DCAF6: variants seen among roughly 807,000 people sequenced by gnomAD.
DCAF6 encodes DDB1 and CUL4 associated factor 6, also known as DDB1- and CUL4-associated factor 6.
DCAF6 carries 54 observed loss-of-function variants against 125.1 expected under a neutral mutation model. The observed-to-expected ratio is 0.43, with a 90% CI of 0.35 to 0.54. The LOEUF (loss-of-function observed/expected upper bound fraction) is 0.54. Ranked by LOEUF, DCAF6 falls within the 20% of genes least tolerant of loss-of-function variation. The pLI, the probability that DCAF6 is intolerant of heterozygous loss-of-function variation, is 0.01. For synonymous variants in DCAF6, 371 were observed against 390.4 expected, an observed-to-expected ratio of 0.95 and a Z score of 0.58; for missense variants, 934 against 1,161.7, an observed-to-expected ratio of 0.80 and a Z score of 2.85.
the DCAF6 span, among the ~76,000 whole-genome samples, chr1:167,884,053 A>C: frequency 2.0e-5 from 3 of 152,220 alleles, no homozygotes; most frequent in Non-Finnish European, 4.4e-5. Context: ...TAATCACATC[A>C]GGGTAAATGG....
intron 7 of DCAF6, among the ~76,000 whole-genome samples, chr1:168,001,493 G>A (rs773205997): frequency 1.3e-5 from 2 of 152,098 alleles, no homozygotes; most frequent in Non-Finnish European, 2.9e-5. Context: ...TTAGTGGAAA[G>A]ATAGGAAATC....
rs922612045 is a variant in DCAF6 at position 168,044,442 on chromosome 1, G to T, written c.1844-143G>T. On this transcript the variant is annotated intron_variant, in intron 14 of 21. Coordinates refer to ENST00000367840, the MANE Select transcript of DCAF6 (RefSeq NM_001198956.2). ...ATATAGAGATAATTTACAGTATAAG[G>T]AAGGGTATGCATAGGTTATATGCAA... is the stretch of plus-strand genomic sequence containing the variant. 9.4e-6 allele frequency: 6 copies of T among 637,600 alleles called. No individual in the cohort carries two copies. The African/African-American group carries it at 1.1e-4, about 12-fold the overall frequency. 39.5% of individuals were successfully genotyped at this position (637,600 alleles called of 1,614,324 possible).
chr1:167,879,636 G>A, the DCAF6 span, among the ~76,000 whole-genome samples: 4 of 152,170 alleles, frequency 2.6e-5, no homozygotes, highest in Non-Finnish European at 5.9e-5. Context: ...CATATATTCA[G>A]TATTTTAGAT....
At chr1:168,040,993 A>T (rs1415458586) in intron 13 of DCAF6, among the ~76,000 whole-genome samples, 1 of 151,628 alleles carries the variant, frequency 6.6e-6, no homozygotes, top group East Asian at 1.9e-4. Context: ...TTTCTTTGGC[A>T]ACAGATGAGG....
chr1:167,970,137 C>T (rs1385933103), intron 3 of DCAF6, among the ~76,000 whole-genome samples: 5 of 152,068 alleles, frequency 3.3e-5, no homozygotes, highest in African/African-American at 7.2e-5. Context: ...AGCTTTTTGA[C>T]GATCACTATT....
the DCAF6 span, among the ~76,000 whole-genome samples, chr1:167,868,038 A>G: frequency 4.6e-5 from 7 of 152,220 alleles, no homozygotes; most frequent in African/African-American, 1.7e-4. Context: ...GTCGATAAAA[A>G]AGGACTAGAT....
chr1:168,007,962 C>CTTTTT lies in DCAF6; in HGVS notation c.1378+3192_1378+3196dup, dbSNP rs35185748. Reference sequence around the variant, plus strand: ...GTATGTTTTTGTTATTGTTGTACATCTTTTTTTTTTTTTTTTTTTTTTTTT... The same window carrying CTTTTT: ...GTATGTTTTTGTTATTGTTGTACATCTTTTTTTTTTTTTTTTTTTTTTTTTTTTTT... On this transcript the variant is annotated intron_variant, in intron 10 of 21. Transcript: ENST00000367840. Among the ~76,000 whole-genome samples the CTTTTT allele has an allele frequency of 2.3e-3, 153 of 67,480 alleles. 7 individuals are homozygous for CTTTTT. Among genetic ancestry groups the CTTTTT allele is most frequent in the African/African-American group, 6.6e-3 (98 of 14,944 alleles). The allele number at this position is 67,480 out of a possible 152,430, so 44.3% of individuals were successfully genotyped here.
intron 4 of DCAF6, among the ~76,000 whole-genome samples, chr1:167,982,151 C>T (rs951966735): frequency 2.6e-5 from 4 of 152,104 alleles, no homozygotes; most frequent in Admixed American, 6.6e-5. Flanking sequence ...ATTTTGTGTT[C>T]GTTGGCTCCT....
At chr1:168,048,202 A>C (rs1689382397) in intron 16 of DCAF6, among the ~76,000 whole-genome samples, 1 of 152,182 alleles carries the variant, frequency 6.6e-6, no homozygotes, top group Non-Finnish European at 1.5e-5. Flanking sequence ...TACATTGCAC[A>C]CATGGATGAA....
At chr1:168,019,650 C>T in intron 11 of DCAF6, 1 of 310,168 alleles carries the variant, frequency 3.2e-6, no homozygotes, top group Non-Finnish European at 6.8e-6. Flanking sequence ...AGCATGGAGC[C>T]AGCCTAGAGA....
intron 1 of DCAF6, chr1:167,937,309 G>T: frequency 2.4e-6 from 1 of 413,928 alleles, no homozygotes. Flanking sequence ...GGAGACTTGC[G>T]GAACCTCCAG....
chr1:168,064,390 G>C (rs1692068106), intron 18 of DCAF6, among the ~76,000 whole-genome samples: 1 of 152,112 alleles, frequency 6.6e-6, no homozygotes, highest in African/African-American at 2.4e-5. Flanking sequence ...TTCATAACTA[G>C]AAAGTGTTGT....
chr1:167,955,885 T>C (rs942339284), intron 2 of DCAF6, among the ~76,000 whole-genome samples: 1 of 152,034 alleles, frequency 6.6e-6, no homozygotes, highest in Non-Finnish European at 1.5e-5. Flanking sequence ...CTCAGCCTCC[T>C]GAGTTAGCTG....
chr1:168,002,787 T>G (rs560976710), intron 8 of DCAF6, among the ~76,000 whole-genome samples: 1 of 152,256 alleles, frequency 6.6e-6, no homozygotes, highest in Admixed American at 6.5e-5. Context: ...TGTTATCAGA[T>G]TAGTCTCCAA....
intron 10 of DCAF6, among the ~76,000 whole-genome samples, chr1:168,008,365 C>T (rs953503741): frequency 6.6e-6 from 1 of 152,170 alleles, no homozygotes; most frequent in African/African-American, 2.4e-5. Context: ...GGTCCATTTG[C>T]TTATTTGAAT....
At chr1:167,993,570 A>G in intron 7 of DCAF6, 130 bp downstream of exon 7, 1 of 666,446 alleles carries the variant, frequency 1.5e-6, no homozygotes, top group Non-Finnish European at 2.6e-6. Flanking sequence ...ACCAACATGG[A>G]GAAACCCCGT....
At chr1:168,030,040 A>G (rs1029200351) in intron 12 of DCAF6, among the ~76,000 whole-genome samples, 1 of 152,154 alleles carries the variant, frequency 6.6e-6, no homozygotes, top group Non-Finnish European at 1.5e-5. Flanking sequence ...AGCGTTAGAA[A>G]CGTGTCTCAA....
chr1:167,871,050 A>G, the DCAF6 span, among the ~76,000 whole-genome samples: 1 of 152,170 alleles, frequency 6.6e-6, no homozygotes, highest in Non-Finnish European at 1.5e-5. Context: ...AGCCAAGGCT[A>G]TCTAACCCTA....
intron 5 of DCAF6, among the ~76,000 whole-genome samples, chr1:167,990,345 C>T (rs1276123466): frequency 2.0e-5 from 3 of 151,218 alleles, no homozygotes; most frequent in East Asian, 3.9e-4. Flanking sequence ...GCCTGGGCAA[C>T]AGAGCAAGAC....
Sources: gnomAD v4.1 joint callset for allele counts (sites outside exome capture counted in the v4.1 genomes callset) on GRCh38, gnomAD v4.1.1 for gene constraint, MANE v1.5 for transcripts, NCBI Gene and HGNC (gene_info 2026-07-23, HGNC 2026-07-21) for gene names.